Variants in GPC5 observed in about 807,000 individuals in gnomAD.
The protein encoded by GPC5 is glypican-5.
In GPC5, 47 loss-of-function variants were observed where a neutral mutation model predicts 53.9. That is an observed-to-expected ratio of 0.87 (90% confidence interval 0.69 to 1.11). The LOEUF (loss-of-function observed/expected upper bound fraction) is 1.11, where lower values mean the gene tolerates loss of function less well. Ranked by LOEUF, GPC5 falls within the 50% of genes most tolerant of loss-of-function variation. The pLI, the probability that GPC5 is intolerant of heterozygous loss-of-function variation, is 0.00. For missense variants in GPC5, 748 were observed against 713.1 expected (o/e 1.05, Z -0.56); for synonymous variants, 286 against 263.3 (o/e 1.09, Z -0.84).
chr13:91,465,095 C>G (rs1194569729), intron 2 of GPC5, among the ~76,000 whole-genome samples: 1 of 152,138 alleles, frequency 6.6e-6, no homozygotes, highest in Non-Finnish European at 1.5e-5. Flanking sequence ...TGTCTCAGCT[C>G]TCAAGTTACT....
At chr13:91,949,383 C>A (rs1269783814) in intron 6 of GPC5, among the ~76,000 whole-genome samples, 15 of 152,000 alleles carry the variant, frequency 9.9e-5, no homozygotes, top group African/African-American at 3.6e-4. Flanking sequence ...ATTCATAACT[C>A]TATAGAAATG....
At chr13:92,109,986 A>C (rs2041543957) in intron 6 of GPC5, among the ~76,000 whole-genome samples, 1 of 152,194 alleles carries the variant, frequency 6.6e-6, no homozygotes, top group Non-Finnish European at 1.5e-5. Context: ...GAAATGATAA[A>C]TATAATATAT....
intron 2 of GPC5, among the ~76,000 whole-genome samples, chr13:91,652,126 T>G (rs1387008534): frequency 6.6e-6 from 1 of 151,926 alleles, no homozygotes; most frequent in Non-Finnish European, 1.5e-5. Context: ...GCCTGAAACC[T>G]CTGATAGTCC....
At chr13:91,521,517 A>G (rs576814493) in intron 2 of GPC5, among the ~76,000 whole-genome samples, 1 of 152,348 alleles carries the variant, frequency 6.6e-6, no homozygotes, top group Non-Finnish European at 1.5e-5. Context: ...ACTTCCTGTC[A>G]ACATAGAATT....
At chr13:91,861,185 T>A (rs4630398) in intron 5 of GPC5, among the ~76,000 whole-genome samples, 1 of 151,990 alleles carries the variant, frequency 6.6e-6, no homozygotes, top group Non-Finnish European at 1.5e-5. Context: ...AATGTAAATT[T>A]AGCATTTTAA....
chr13:92,720,628 A>T (rs1247926582), intron 7 of GPC5, among the ~76,000 whole-genome samples: 1 of 152,170 alleles, frequency 6.6e-6, no homozygotes, highest in African/African-American at 2.4e-5. Flanking sequence ...TAACGTACAT[A>T]AATGCAAATA....
At chr13:92,100,899 C>A (rs2138911652) in intron 6 of GPC5, among the ~76,000 whole-genome samples, 1 of 152,298 alleles carries the variant, frequency 6.6e-6, no homozygotes. Flanking sequence ...ACATAATAAT[C>A]TTGGGCTACA....
At chr13:92,519,922 C>T (rs1457104250) in intron 7 of GPC5, among the ~76,000 whole-genome samples, 14 of 151,870 alleles carry the variant, frequency 9.2e-5, no homozygotes, top group South Asian at 4.2e-4. Flanking sequence ...ATCAAATAGA[C>T]GCAATAAAAA....
intron 6 of GPC5, among the ~76,000 whole-genome samples, chr13:91,989,487 A>G (rs1179363842): frequency 6.6e-6 from 1 of 152,188 alleles, no homozygotes. Context: ...TTAAAACTGT[A>G]TAACCACATG....
chr13:92,522,098 C>T (rs934227792), intron 7 of GPC5, among the ~76,000 whole-genome samples: 15 of 152,068 alleles, frequency 9.9e-5, no homozygotes, highest in African/African-American at 3.1e-4. Context: ...GAATGGCGAT[C>T]GTTAAAAAGT....
At chr13:92,142,984 A>C (rs940366311) in intron 6 of GPC5, among the ~76,000 whole-genome samples, 3 of 152,216 alleles carry the variant, frequency 2.0e-5, no homozygotes, top group Non-Finnish European at 4.4e-5. Context: ...ACAATATTGT[A>C]CTAGAATATA....
At chr13:92,122,393 G>A (rs1164207100) in intron 6 of GPC5, among the ~76,000 whole-genome samples, 1 of 151,776 alleles carries the variant, frequency 6.6e-6, no homozygotes, top group East Asian at 1.9e-4. Flanking sequence ...GCCTTCAGCT[G>A]CTTCTCAGTA....
chr13:92,315,762 CTT>C lies in GPC5; in HGVS notation c.1561+170776_1561+170777del, dbSNP rs535287654. Among the ~76,000 whole-genome samples, 234 of 152,252 alleles carry C rather than the reference CTT, an allele frequency of 1.5e-3. 1 individual carries two copies. The highest frequency in any genetic ancestry group is 2.9e-3 in the Non-Finnish European group (196 of 68,020). On this transcript the variant is annotated intron_variant, in intron 7 of 7. Coordinates refer to ENST00000377067, the MANE Select transcript of GPC5 (RefSeq NM_004466.6). Reference sequence around the variant, plus strand: ...AATAATTAGTAAATGTATAAGGACTCTTTTCAAACTATTTTTCAAGTGTTTTA... The same window carrying C: ...AATAATTAGTAAATGTATAAGGACTCTTCAAACTATTTTTCAAGTGTTTTA...
At chr13:91,551,014 A>G (rs2030606643) in intron 2 of GPC5, among the ~76,000 whole-genome samples, 1 of 152,158 alleles carries the variant, frequency 6.6e-6, no homozygotes. Flanking sequence ...TGTCTTTATT[A>G]GCAGTGTGAG....
chr13:91,797,372 T>A (rs2038063256), intron 5 of GPC5, among the ~76,000 whole-genome samples: 1 of 152,080 alleles, frequency 6.6e-6, no homozygotes, highest in Admixed American at 6.6e-5. Flanking sequence ...TTTTAGCAGT[T>A]CAAAGAAAAA....
At chr13:92,829,204 T>C (rs1877961205) in intron 7 of GPC5, among the ~76,000 whole-genome samples, 1 of 152,150 alleles carries the variant, frequency 6.6e-6, no homozygotes, top group Admixed American at 6.6e-5. Context: ...CAAAGAGAAT[T>C]GTCACATTGC....
chr13:92,089,418 T>A (rs1248516026), intron 6 of GPC5, among the ~76,000 whole-genome samples: 3 of 152,142 alleles, frequency 2.0e-5, no homozygotes, highest in Non-Finnish European at 4.4e-5. Flanking sequence ...TGGGCAACCA[T>A]GCAAGACTCT....
chr13:91,560,305 A>G (rs1274749361), intron 2 of GPC5, among the ~76,000 whole-genome samples: 2 of 152,156 alleles, frequency 1.3e-5, no homozygotes, highest in African/African-American at 4.8e-5. Context: ...TACATTGGTG[A>G]GGATAGTACC....
chr13:91,534,113 A>T (rs1886472008), intron 2 of GPC5, among the ~76,000 whole-genome samples: 1 of 152,162 alleles, frequency 6.6e-6, no homozygotes, highest in Non-Finnish European at 1.5e-5. Flanking sequence ...TATATTGCTC[A>T]CCTAAGGTTC....
Sources: gnomAD v4.1 joint callset for allele counts (sites outside exome capture counted in the v4.1 genomes callset) on GRCh38, gnomAD v4.1.1 for gene constraint, MANE v1.5 for transcripts, NCBI Gene and HGNC (gene_info 2026-07-23, HGNC 2026-07-21) for gene names.